Variants in TRAPPC8 observed in about 807,000 individuals in gnomAD.
TRAPPC8 encodes trafficking protein particle complex subunit 8, also known as general sporulation gene 1 homolog.
In TRAPPC8, 54 loss-of-function variants were observed where a neutral mutation model predicts 174.3. That is an observed-to-expected ratio of 0.31 (90% CI 0.25 to 0.39). The LOEUF is 0.39. Ranked by LOEUF, TRAPPC8 falls within the 10% of genes least tolerant of loss-of-function variation. The pLI is 1.00. For synonymous variants in TRAPPC8, 630 were observed against 579.9 expected, an observed-to-expected ratio of 1.09 and a Z score of -1.24; for missense variants, 1,531 against 1,699.1, an observed-to-expected ratio of 0.90 and a Z score of 1.74.
intron 27 of TRAPPC8, among the ~76,000 whole-genome samples, chr18:31,832,895 GA>G (rs2032461517): frequency 6.6e-6 from 1 of 152,056 alleles, no homozygotes; most frequent in African/African-American, 2.4e-5. Flanking sequence ...TAGTAAAGAA[GA>G]AAAAATAGTA....
chr18:31,905,790 C>T (rs2036631814), intron 9 of TRAPPC8, among the ~76,000 whole-genome samples: 1 of 152,098 alleles, frequency 6.6e-6, no homozygotes, highest in South Asian at 2.1e-4. Context: ...TTTTCCAGTG[C>T]TATATTATTT....
chr18:31,920,373 G>C (rs1292517417), intron 2 of TRAPPC8, among the ~76,000 whole-genome samples: 1 of 152,132 alleles, frequency 6.6e-6, no homozygotes, highest in African/African-American at 2.4e-5. Flanking sequence ...GAAAACTGAT[G>C]AACAACAGTT....
At chr18:31,880,081 GAAA>G (rs749972515) in intron 12 of TRAPPC8, among the ~76,000 whole-genome samples, 2 of 52,736 alleles carry the variant, frequency 3.8e-5, no homozygotes, top group Admixed American at 3.7e-4. Flanking sequence ...TGAAACTATT[GAAA>G]AAAAAAATAT....
At chr18:31,856,995 T>G (rs2034055044) in intron 20 of TRAPPC8, among the ~76,000 whole-genome samples, 1 of 152,110 alleles carries the variant, frequency 6.6e-6, no homozygotes, top group Non-Finnish European at 1.5e-5. Context: ...GAAAATATTC[T>G]GTTGAACAAA....
At chr18:31,835,096 C>A (rs1475647918) in intron 27 of TRAPPC8, among the ~76,000 whole-genome samples, 1 of 152,076 alleles carries the variant, frequency 6.6e-6, no homozygotes, top group Non-Finnish European at 1.5e-5. Context: ...GGTTTGTATT[C>A]TTTTTTCTGT....
intron 27 of TRAPPC8, chr18:31,832,701 A>C (rs2032447737): frequency 6.6e-6 from 1 of 152,212 alleles, no homozygotes; most frequent in South Asian, 2.1e-4. Context: ...TTGCTCAGGT[A>C]GCCTAGTTTC....
At chr18:31,918,979 C>G (rs540064737) in intron 2 of TRAPPC8, among the ~76,000 whole-genome samples, 3 of 152,142 alleles carry the variant, frequency 2.0e-5, no homozygotes, top group African/African-American at 4.8e-5. Context: ...CCACTGAAAA[C>G]AGCAAATATA....
intron 1 of TRAPPC8, among the ~76,000 whole-genome samples, chr18:31,933,683 T>A (rs950202772): frequency 6.6e-6 from 1 of 152,108 alleles, no homozygotes; most frequent in Non-Finnish European, 1.5e-5. Flanking sequence ...GAATGACACA[T>A]TCTTCTCAAT....
At chr18:31,888,787 C>G (rs2035833677) in intron 12 of TRAPPC8, among the ~76,000 whole-genome samples, 1 of 152,118 alleles carries the variant, frequency 6.6e-6, no homozygotes, top group African/African-American at 2.4e-5. Context: ...GGGAAAGCAT[C>G]AGGAAAAAGA....
At chr18:31,892,999 C>G in intron 11 of TRAPPC8, among the ~76,000 whole-genome samples, 1 of 143,258 alleles carries the variant, frequency 7.0e-6, no homozygotes, top group African/African-American at 2.6e-5. Flanking sequence ...CCTTGGTGAA[C>G]GAATGACGCC....
At chr18:31,877,884 T>C (rs1247499632) in intron 12 of TRAPPC8, among the ~76,000 whole-genome samples, 9 of 149,200 alleles carry the variant, frequency 6.0e-5, no homozygotes, top group African/African-American at 2.0e-4. Flanking sequence ...GATCGCACCA[T>C]TGCACTCCAG....
Position 31,834,014 on chromosome 18 carries a change from C to CA in TRAPPC8, c.3984-1842dup, listed in dbSNP as rs1349318060. On this transcript the variant is annotated intron_variant, in intron 27 of 28. Transcript: ENST00000283351. The stretch of plus-strand genomic sequence containing the variant: ...AAGACTCCGTCTCAAAAAAAAAAAA[C>CA]AAAAAACAGAAATTACATTTCTAAG... Among the ~76,000 whole-genome samples, 5 of 134,218 alleles carry CA rather than the reference C, an allele frequency of 3.7e-5. 1 individual carries two copies. The highest frequency in any genetic ancestry group is 1.1e-4 in the African/African-American group (4 of 36,066). The allele number at this position is 134,218 out of a possible 152,430, so 88.1% of individuals were successfully genotyped here.
intron 16 of TRAPPC8, among the ~76,000 whole-genome samples, chr18:31,868,603 AAATT>A (rs1463378155): frequency 1.3e-5 from 2 of 152,334 alleles, no homozygotes; most frequent in Admixed American, 6.5e-5. Flanking sequence ...AATCTCATTC[AAATT>A]ATTAACAATG....
In TRAPPC8 at chr18:31,876,412, C is replaced by T. The variant is rs548127463; in HGVS notation, c.1729-1708G>A. Among the ~76,000 whole-genome samples, 4 of 146,274 alleles carry T rather than the reference C, an allele frequency of 2.7e-5. No homozygotes were observed. In the South Asian group the frequency reaches 8.6e-4, roughly 31 times the overall value. ...GGCTGAGGCAAGAGAATGGCATAAA[C>T]CTAGGAGGCGGAGCTTACAGTAAGC... is the stretch of plus-strand genomic sequence containing the variant. On this transcript the variant is annotated intron_variant, in intron 12 of 28. Transcript: ENST00000283351.
Position 31,927,358 on chromosome 18 carries a change from G to C in TRAPPC8, c.352+3971C>G, listed in dbSNP as rs146245832. 5.5e-3 allele frequency among the ~76,000 whole-genome samples: 832 copies of C among 152,156 alleles called. 5 individuals carry two copies. Among genetic ancestry groups the C allele is most frequent in the African/African-American group, 0.019 (791 of 41,512 alleles). ...GCTGACTGCAACCTCTGCCTCCCAG[G>C]TTCAAGCGATTCTCCTGCCACAGCC... On this transcript the variant is annotated intron_variant, in intron 2 of 28. Transcript: ENST00000283351.
intron 1 of TRAPPC8, among the ~76,000 whole-genome samples, chr18:31,932,371 G>A (rs1347947562): frequency 6.6e-6 from 1 of 151,260 alleles, no homozygotes; most frequent in Non-Finnish European, 1.5e-5. Context: ...AGGTTGCAGC[G>A]AGCCGAGATT....
At chr18:31,854,284 T>C (rs1008711071) in intron 21 of TRAPPC8, among the ~76,000 whole-genome samples, 2 of 152,146 alleles carry the variant, frequency 1.3e-5, no homozygotes, top group African/African-American at 4.8e-5. Context: ...TGGCATTTTC[T>C]TTTTATTTCT....
chr18:31,900,821 G>A lies in TRAPPC8; in HGVS notation c.1490+104C>T, dbSNP rs1190643920. The A allele has an allele frequency of 7.3e-6, 6 of 824,542 alleles. No homozygotes were observed. The Admixed American group carries it at 1.9e-4, about 27-fold the overall frequency. 51.1% of individuals were successfully genotyped at this position (824,542 alleles called of 1,614,324 possible). ...TTAAAAATCACCTCAACTTGTCTCC[G>A]ACTATATTAACTTGATTTGGGAGTT... is the stretch of plus-strand genomic sequence containing the variant. On this transcript the variant is annotated intron_variant, in intron 10 of 28. Transcript: ENST00000283351.
At chr18:31,894,960 A>G (rs2036122965) in intron 11 of TRAPPC8, among the ~76,000 whole-genome samples, 1 of 152,236 alleles carries the variant, frequency 6.6e-6, no homozygotes, top group Non-Finnish European at 1.5e-5. Flanking sequence ...CCAAATTCAT[A>G]TACATCCTAT....
Sources: gnomAD v4.1 joint callset for allele counts (sites outside exome capture counted in the v4.1 genomes callset) on GRCh38, gnomAD v4.1.1 for gene constraint, MANE v1.5 for transcripts, NCBI Gene and HGNC (gene_info 2026-07-23, HGNC 2026-07-21) for gene names.